Variants in GPC3 observed in about 807,000 individuals in gnomAD.
GPC3 encodes glypican-3.
In GPC3, 3 loss-of-function variants were observed where a neutral mutation model predicts 34.4. That is an observed-to-expected ratio of 0.09 (90% CI 0.04 to 0.23). The LOEUF (loss-of-function observed/expected upper bound fraction) is 0.23, where lower values mean the gene tolerates loss of function less well. GPC3 is among the 10% of genes least tolerant of loss of function. The pLI, the probability that GPC3 is intolerant of heterozygous loss-of-function variation, is 1.00. For synonymous variants in GPC3, 177 were observed against 174.0 expected (o/e 1.02, Z -0.13); for missense variants, 351 against 445.6 (o/e 0.79, Z 1.91).
At chrX:133,975,252 C>A in intron 1 of GPC3, among the ~76,000 whole-genome samples, 1 of 112,382 alleles carries the variant, frequency 8.9e-6, no homozygotes, top group Middle Eastern at 4.6e-3. Context: ...GTTTTCAAGG[C>A]TCCTCATCAT....
intron 6 of GPC3, among the ~76,000 whole-genome samples, chrX:133,619,194 T>A (rs1220569635): frequency 8.9e-6 from 1 of 112,186 alleles, no homozygotes; most frequent in Non-Finnish European, 1.9e-5. Context: ...ATAACAGGTG[T>A]TAGGATATGG....
intron 2 of GPC3, among the ~76,000 whole-genome samples, chrX:133,776,257 A>C (rs962418845): frequency 1.8e-5 from 2 of 111,671 alleles, no homozygotes; most frequent in African/African-American, 6.5e-5. Context: ...TACACAGATT[A>C]TAGGGTATCA....
chrX:133,887,840 G>A (rs1055149556), intron 2 of GPC3, among the ~76,000 whole-genome samples: 4 of 110,023 alleles, frequency 3.6e-5, no homozygotes, highest in East Asian at 2.8e-4. Context: ...GTCTCTTTTC[G>A]TTTTTGTTGC....
intron 1 of GPC3, among the ~76,000 whole-genome samples, chrX:133,957,532 G>A (rs1344178919): frequency 1.8e-5 from 2 of 112,164 alleles, no homozygotes. Flanking sequence ...AAAGAATTTA[G>A]AGGGAATTCT....
chrX:133,944,899 C>G (rs2076361158), intron 2 of GPC3, among the ~76,000 whole-genome samples: 1 of 111,207 alleles, frequency 9.0e-6, no homozygotes, highest in African/African-American at 3.3e-5. Flanking sequence ...AGAGAAGTGG[C>G]CTGCCCTTGG....
intron 5 of GPC3, among the ~76,000 whole-genome samples, chrX:133,670,551 G>A (rs1479074126): frequency 1.8e-5 from 2 of 112,007 alleles, no homozygotes; most frequent in Non-Finnish European, 3.8e-5. Context: ...GCCCAGCTAT[G>A]TATGGCTAAA....
chrX:133,657,429 G>A (rs1323670997), intron 6 of GPC3, among the ~76,000 whole-genome samples: 2 of 111,600 alleles, frequency 1.8e-5, no homozygotes, highest in Non-Finnish European at 3.8e-5. Flanking sequence ...ACAAAACTTA[G>A]TTGTTGTTGT....
At chrX:133,685,672 G>A (rs1293123385) in intron 5 of GPC3, among the ~76,000 whole-genome samples, 1 of 110,124 alleles carries the variant, frequency 9.1e-6, no homozygotes, top group Admixed American at 9.7e-5. Context: ...ATCTTAGGGA[G>A]TTTATTTAGT....
At chrX:133,859,919 A>T (rs776173658) in intron 2 of GPC3, among the ~76,000 whole-genome samples, 3 of 111,597 alleles carry the variant, frequency 2.7e-5, no homozygotes, top group Non-Finnish European at 5.6e-5. Context: ...CCCACAGTGG[A>T]AGGTGAAGGG....
At chrX:133,652,792 A>G (rs760160202) in intron 6 of GPC3, among the ~76,000 whole-genome samples, 12 of 112,344 alleles carry the variant, frequency 1.1e-4, no homozygotes, top group Non-Finnish European at 2.3e-4. Context: ...ACAAGACTGC[A>G]CCATATAGAC....
intron 1 of GPC3, among the ~76,000 whole-genome samples, chrX:133,953,971 A>AT (rs779781769): frequency 2.7e-5 from 3 of 112,718 alleles, no homozygotes; most frequent in African/African-American, 9.7e-5. Context: ...ATAAAATGGA[A>AT]TTCTATTTAG....
chrX:133,621,608 GC>G (rs2070233575), intron 6 of GPC3, among the ~76,000 whole-genome samples: 1 of 112,124 alleles, frequency 8.9e-6, no homozygotes, highest in Non-Finnish European at 1.9e-5. Context: ...TGGGGGAGGG[GC>G]GTCTGCCATT....
At chrX:133,582,690 T>G (rs911025219) in intron 7 of GPC3, among the ~76,000 whole-genome samples, 4 of 111,625 alleles carry the variant, frequency 3.6e-5, no homozygotes, top group Non-Finnish European at 7.5e-5. Context: ...AAGATATTGG[T>G]CCATGACAGA....
intron 6 of GPC3, among the ~76,000 whole-genome samples, chrX:133,644,461 G>A (rs1159261315): frequency 1.8e-5 from 2 of 111,673 alleles, no homozygotes; most frequent in African/African-American, 6.5e-5. Flanking sequence ...ATTAATCAGA[G>A]GATAGTGGTG....
intron 2 of GPC3, among the ~76,000 whole-genome samples, chrX:133,803,919 T>C (rs1298300273): frequency 9.1e-6 from 1 of 109,932 alleles, no homozygotes; most frequent in Non-Finnish European, 1.9e-5. Flanking sequence ...AAAATTATTA[T>C]TATTTATGTG....
At chrX:133,748,071 AT>A (rs1009692145) in intron 3 of GPC3, among the ~76,000 whole-genome samples, 19 of 112,399 alleles carry the variant, frequency 1.7e-4, no homozygotes, top group Non-Finnish European at 3.2e-4. Context: ...AGTAAACAAA[AT>A]TACAGAAAGT....
At chrX:133,951,013 G>A (rs1191767560) in intron 2 of GPC3, among the ~76,000 whole-genome samples, 1 of 106,825 alleles carries the variant, frequency 9.4e-6, no homozygotes, top group Non-Finnish European at 1.9e-5. Flanking sequence ...CCTTTGCTAG[G>A]GTTGTCCTTC....
At chrX:133,853,723 C>T (rs973344023) in intron 2 of GPC3, among the ~76,000 whole-genome samples, 4 of 111,933 alleles carry the variant, frequency 3.6e-5, no homozygotes, top group African/African-American at 1.3e-4. Flanking sequence ...TGTAGTAGAG[C>T]ATAAGAAGTG....
chrX:133,685,885 G>A (rs1197092419), intron 5 of GPC3, among the ~76,000 whole-genome samples: 4 of 108,615 alleles, frequency 3.7e-5, no homozygotes, highest in African/African-American at 6.7e-5. Context: ...GTGTCACCAC[G>A]CCCAGCTCCA....
Sources: allele counts gnomAD v4.1 joint callset (sites outside exome capture counted in the v4.1 genomes callset), GRCh38; gene constraint gnomAD v4.1.1; transcripts MANE v1.5; gene names NCBI Gene and HGNC (gene_info 2026-07-23, HGNC 2026-07-21).